Variants in CSNK2A2IP observed in about 807,000 individuals in gnomAD.
The protein encoded by CSNK2A2IP is casein kinase 2 subunit alpha' interacting protein.
chr3:88,421,078 G>C, the CSNK2A2IP span, among the ~76,000 whole-genome samples: 1 of 152,230 alleles, frequency 6.6e-6, no homozygotes, highest in Non-Finnish European at 1.5e-5. Context: ...TCTCCGAAGA[G>C]AGATGTCTTA....
the CSNK2A2IP span, among the ~76,000 whole-genome samples, chr3:88,358,220 T>C: frequency 2.0e-5 from 3 of 152,338 alleles, no homozygotes; most frequent in East Asian, 5.8e-4. Flanking sequence ...CATTTAAAAG[T>C]TCTAATAGTT....
the CSNK2A2IP span, among the ~76,000 whole-genome samples, chr3:88,412,754 C>T: frequency 6.6e-6 from 1 of 151,980 alleles, no homozygotes; most frequent in Non-Finnish European, 1.5e-5. Flanking sequence ...GCCTATTACT[C>T]CTAGGCTACA....
the CSNK2A2IP span, among the ~76,000 whole-genome samples, chr3:88,384,461 G>A: frequency 1.9e-3 from 282 of 152,208 alleles, no homozygotes; most frequent in Non-Finnish European, 3.1e-3. Context: ...AAGGCTCTGA[G>A]GCTGGAAAGA....
the CSNK2A2IP span, among the ~76,000 whole-genome samples, chr3:88,443,631 G>A: frequency 6.6e-6 from 1 of 152,084 alleles, no homozygotes. Flanking sequence ...GTCCAAAAAG[G>A]ACTCTTCTTA....
At chr3:88,464,371 C>G in the CSNK2A2IP span, among the ~76,000 whole-genome samples, 2 of 150,660 alleles carry the variant, frequency 1.3e-5, no homozygotes, top group Non-Finnish European at 3.0e-5. Context: ...TGAACATCAC[C>G]GATGTGATTA....
the CSNK2A2IP span, among the ~76,000 whole-genome samples, chr3:88,429,919 A>AT: frequency 2.0e-3 from 283 of 142,104 alleles, 2 homozygotes; most frequent in East Asian, 0.016. Flanking sequence ...CGCCAGGCTA[A>AT]TTTTTTTTTT....
At chr3:88,355,799 T>C in the CSNK2A2IP span, among the ~76,000 whole-genome samples, 1 of 152,136 alleles carries the variant, frequency 6.6e-6, no homozygotes, top group Admixed American at 6.6e-5. Context: ...CCTAGACTAA[T>C]GGTCTTGTGT....
chr3:88,362,344 C>T, the CSNK2A2IP span, among the ~76,000 whole-genome samples: 1 of 152,168 alleles, frequency 6.6e-6, no homozygotes, highest in African/African-American at 2.4e-5. Flanking sequence ...CCCAGCAATG[C>T]TGTGATTCTT....
chr3:88,365,263 A>C, the CSNK2A2IP span, among the ~76,000 whole-genome samples: 34 of 152,212 alleles, frequency 2.2e-4, no homozygotes, highest in Non-Finnish European at 1.0e-4. Flanking sequence ...TTTTAAATCT[A>C]AATGAAGTAG....
chr3:88,449,894 G>GAGAGAGAGAGAGAGAGAGTC, the CSNK2A2IP span, among the ~76,000 whole-genome samples: 1 of 142,702 alleles, frequency 7.0e-6, no homozygotes, highest in Non-Finnish European at 1.5e-5. Context: ...GAGAGAGAGA[G>GAGAGAGAGAGAGAGAGAGTC]TCTTGCTCTG....
At chr3:88,368,244 G>C in the CSNK2A2IP span, among the ~76,000 whole-genome samples, 1 of 151,972 alleles carries the variant, frequency 6.6e-6, no homozygotes, top group African/African-American at 2.4e-5. Context: ...TGGGGATACA[G>C]TAGTAACAAG....
At chr3:88,432,668 A>G in the CSNK2A2IP span, among the ~76,000 whole-genome samples, 1 of 151,428 alleles carries the variant, frequency 6.6e-6, no homozygotes, top group Non-Finnish European at 1.5e-5. Flanking sequence ...CTTTTTTTCT[A>G]AATACATACA....
At chr3:88,356,238 C>T in the CSNK2A2IP span, among the ~76,000 whole-genome samples, 1 of 152,018 alleles carries the variant, frequency 6.6e-6, no homozygotes, top group Non-Finnish European at 1.5e-5. Context: ...ACTTTTTTAA[C>T]CCCTGCCTGT....
the CSNK2A2IP span, among the ~76,000 whole-genome samples, chr3:88,354,545 T>G: frequency 3.9e-5 from 6 of 152,106 alleles, no homozygotes; most frequent in African/African-American, 1.4e-4. Flanking sequence ...AAGTGAGAGA[T>G]GTTATGCATA....
the CSNK2A2IP span, among the ~76,000 whole-genome samples, chr3:88,375,670 G>T: frequency 6.6e-6 from 1 of 151,788 alleles, no homozygotes; most frequent in Admixed American, 6.6e-5. Context: ...AGTGGGGAAA[G>T]GGAGCCTACT....
the CSNK2A2IP span, among the ~76,000 whole-genome samples, chr3:88,366,524 T>A: frequency 6.6e-6 from 1 of 152,172 alleles, no homozygotes; most frequent in Non-Finnish European, 1.5e-5. Flanking sequence ...CAGAATACTT[T>A]ATATCCTCAA....
chr3:88,406,621 C>T, the CSNK2A2IP span, among the ~76,000 whole-genome samples: 1 of 152,096 alleles, frequency 6.6e-6, no homozygotes, highest in Non-Finnish European at 1.5e-5. Context: ...GGATTTTTGG[C>T]GACTGTTACA....
the CSNK2A2IP span, among the ~76,000 whole-genome samples, chr3:88,360,339 T>C: frequency 6.6e-6 from 1 of 152,158 alleles, no homozygotes; most frequent in Non-Finnish European, 1.5e-5. Context: ...TTCACCGTGT[T>C]AGCCAGGATG....
the CSNK2A2IP span, among the ~76,000 whole-genome samples, chr3:88,428,059 G>C: frequency 1.3e-5 from 2 of 152,194 alleles, no homozygotes; most frequent in African/African-American, 4.8e-5. Flanking sequence ...CACAGGGGTA[G>C]AGCTGCACAA....
Sources: gnomAD v4.1 joint callset for allele counts (sites outside exome capture counted in the v4.1 genomes callset) on GRCh38, gnomAD v4.1.1 for gene constraint, MANE v1.5 for transcripts, NCBI Gene and HGNC (gene_info 2026-07-23, HGNC 2026-07-21) for gene names.